Variants in CDH12 observed in about 807,000 individuals in gnomAD.
The protein encoded by CDH12 is cadherin-12.
Under a neutral mutation model 74.1 loss-of-function variants are expected in CDH12, and 41 were observed. That is an observed-to-expected ratio of 0.55 (90% CI 0.43 to 0.72). The LOEUF is 0.72. CDH12 is among the 30% of genes least tolerant of loss of function. CDH12 has a pLI of 0.00. For missense variants in CDH12, 945 were observed against 977.2 expected (o/e 0.97, Z 0.44); for synonymous variants, 399 against 355.0 (o/e 1.12, Z -1.39).
At chr5:22,495,492 A>C (rs1747069617) in intron 2 of CDH12, among the ~76,000 whole-genome samples, 2 of 152,178 alleles carry the variant, frequency 1.3e-5, no homozygotes, top group South Asian at 4.1e-4. Context: ...ATGTCTGTCA[A>C]GAGTTTCAGT....
chr5:22,117,482 ATATATAT>A (rs1561128936), intron 4 of CDH12, among the ~76,000 whole-genome samples: 8 of 48,062 alleles, frequency 1.7e-4, no homozygotes, highest in African/African-American at 6.6e-4. Context: ...TATATATTAT[ATATATAT>A]TATATATATA....
At chr5:22,194,059 T>C (rs1238266202) in intron 4 of CDH12, among the ~76,000 whole-genome samples, 1 of 152,164 alleles carries the variant, frequency 6.6e-6, no homozygotes, top group Non-Finnish European at 1.5e-5. Flanking sequence ...AAACCCAGGA[T>C]GGAGTCTAGG....
At chr5:22,303,110 G>A (rs1303624131) in intron 3 of CDH12, among the ~76,000 whole-genome samples, 1 of 152,096 alleles carries the variant, frequency 6.6e-6, no homozygotes, top group Non-Finnish European at 1.5e-5. Context: ...CAAACATGAA[G>A]ATAGTATATC....
At chr5:22,312,823 G>T (rs1485678995) in intron 3 of CDH12, among the ~76,000 whole-genome samples, 1 of 152,150 alleles carries the variant, frequency 6.6e-6, no homozygotes, top group African/African-American at 2.4e-5. Context: ...TACATCAGAT[G>T]TATGGACATG....
intron 2 of CDH12, among the ~76,000 whole-genome samples, chr5:22,433,613 T>C (rs1477435768): frequency 6.6e-6 from 1 of 152,094 alleles, no homozygotes; most frequent in Non-Finnish European, 1.5e-5. Context: ...ACAAGACATA[T>C]AAAATTTTAA....
intron 1 of CDH12, among the ~76,000 whole-genome samples, chr5:22,822,916 A>G (rs1749786579): frequency 6.6e-6 from 1 of 152,158 alleles, no homozygotes; most frequent in African/African-American, 2.4e-5. Context: ...TCATGCTGCT[A>G]TAAAGATACA....
intron 4 of CDH12, among the ~76,000 whole-genome samples, chr5:22,196,646 A>G (rs1325699983): frequency 3.3e-5 from 5 of 152,122 alleles, no homozygotes; most frequent in South Asian, 2.1e-4. Flanking sequence ...GGATATCTGC[A>G]AGGGGACTAG....
At chr5:22,831,430 G>T (rs1351975555) in intron 1 of CDH12, among the ~76,000 whole-genome samples, 2 of 151,154 alleles carry the variant, frequency 1.3e-5, no homozygotes, top group Non-Finnish European at 2.9e-5. Flanking sequence ...ACAAGACAGA[G>T]CATGGTGAGT....
In CDH12 at chr5:22,420,316, T is replaced by G. The variant is rs61882132; in HGVS notation, c.-427-14965A>C. Among the ~76,000 whole-genome samples, 5 of 152,314 alleles carry G rather than the reference T, an allele frequency of 3.3e-5. No individual in the cohort carries two copies. The South Asian group carries it at 8.3e-4, about 25-fold the overall frequency. On this transcript the variant is annotated intron_variant, in intron 2 of 14. Coordinates refer to ENST00000382254, the MANE Select transcript of CDH12 (RefSeq NM_004061.5). The stretch of plus-strand genomic sequence containing the variant: ...GTATTTATAGTTTTGGGTTTTACAT[T>G]TAAGTCTTTAATCCATTTTTAGTTA...
intron 4 of CDH12, among the ~76,000 whole-genome samples, chr5:22,131,830 C>A (rs1580299463): frequency 6.6e-6 from 1 of 152,012 alleles, no homozygotes; most frequent in East Asian, 1.9e-4. Flanking sequence ...TTTAATCTGG[C>A]CCAAGGTAAA....
chr5:22,177,989 A>T (rs1267595419), intron 4 of CDH12, among the ~76,000 whole-genome samples: 1 of 152,180 alleles, frequency 6.6e-6, no homozygotes, highest in African/African-American at 2.4e-5. Context: ...AGATATCACT[A>T]CTGATGGTGA....
At chr5:22,495,581 TAC>T (rs1057212401) in intron 2 of CDH12, among the ~76,000 whole-genome samples, 86 of 152,044 alleles carry the variant, frequency 5.7e-4, no homozygotes, top group African/African-American at 1.9e-3. Context: ...AAGATATATA[TAC>T]ACACACACAC....
intron 3 of CDH12, among the ~76,000 whole-genome samples, chr5:22,282,072 G>C (rs752935268): frequency 6.6e-6 from 1 of 152,088 alleles, no homozygotes; most frequent in African/African-American, 2.4e-5. Context: ...GAACAGAACA[G>C]AGGCCTCACA....
intron 4 of CDH12, among the ~76,000 whole-genome samples, chr5:22,190,400 CT>C (rs1750209154): frequency 2.0e-5 from 3 of 151,280 alleles, no homozygotes; most frequent in Non-Finnish European, 2.9e-5. Context: ...ATCTATCTAT[CT>C]ATCCTCTATC....
At chr5:22,745,694 A>G (rs906869059) in intron 1 of CDH12, among the ~76,000 whole-genome samples, 11 of 152,160 alleles carry the variant, frequency 7.2e-5, no homozygotes, top group South Asian at 6.2e-4. Flanking sequence ...ACATGCTCTC[A>G]CAATTGGGAG....
rs200754494 is a variant in CDH12 at position 22,563,005 on chromosome 5, A to AAT, written c.-522-57643_-522-57642dup. 4.1e-3 allele frequency among the ~76,000 whole-genome samples: 601 copies of AAT among 147,290 alleles called. 2 individuals are homozygous for AAT. Among genetic ancestry groups the AAT allele is most frequent in the African/African-American group, 0.014 (567 of 40,764 alleles). On this transcript the variant is annotated intron_variant, in intron 1 of 14. Coordinates refer to ENST00000382254, the MANE Select transcript of CDH12 (RefSeq NM_004061.5). ...ATAAATTTGAATATTTATATATGCA[A>AAT]ATATATATTTCTATATTTAAATGCA...
At chr5:22,824,939 A>C (rs1256580712) in intron 1 of CDH12, among the ~76,000 whole-genome samples, 1 of 151,816 alleles carries the variant, frequency 6.6e-6, no homozygotes, top group African/African-American at 2.4e-5. Flanking sequence ...ACATATATTT[A>C]TATATAAAAG....
At chr5:22,255,840 T>A (rs577560594) in intron 3 of CDH12, among the ~76,000 whole-genome samples, 199 of 152,144 alleles carry the variant, frequency 1.3e-3, no homozygotes, top group African/African-American at 4.6e-3. Context: ...AACATCAGTA[T>A]AACTGTTAGA....
At chr5:22,149,877 C>T (rs1747450722) in intron 4 of CDH12, among the ~76,000 whole-genome samples, 1 of 152,138 alleles carries the variant, frequency 6.6e-6, no homozygotes, top group Non-Finnish European at 1.5e-5. Flanking sequence ...TGCCTGTAAT[C>T]CCAGCTTCTC....
Sources: allele counts gnomAD v4.1 joint callset (sites outside exome capture counted in the v4.1 genomes callset), GRCh38; gene constraint gnomAD v4.1.1; transcripts MANE v1.5; gene names NCBI Gene and HGNC (gene_info 2026-07-23, HGNC 2026-07-21).